The following TTC13 variants were observed in gnomAD, a reference collection of about 807,000 sequenced individuals.
TTC13 encodes tetratricopeptide repeat protein 13.
Under a neutral mutation model 120.0 loss-of-function variants are expected in TTC13, and 62 were observed. The ratio of observed to expected loss-of-function variants is 0.52; its 90% CI spans 0.42 to 0.64. The LOEUF (loss-of-function observed/expected upper bound fraction) is 0.64. Among genes scored for constraint, TTC13 ranks in the 30% least tolerant of loss-of-function variants. The pLI is 0.00. For missense variants in TTC13, 824 were observed against 1,050.2 expected (o/e 0.78, Z 2.98); for synonymous variants, 384 against 393.5 (o/e 0.98, Z 0.28).
chr1:230,934,816 T>G (rs1437466524), intron 8 of TTC13, among the ~76,000 whole-genome samples: 2 of 152,258 alleles, frequency 1.3e-5, no homozygotes, highest in Non-Finnish European at 2.9e-5. Flanking sequence ...CCTGATTAGA[T>G]AATTCATAGA....
chr1:230,953,108 A>G (rs536317787), intron 4 of TTC13, among the ~76,000 whole-genome samples: 2 of 152,316 alleles, frequency 1.3e-5, no homozygotes, highest in South Asian at 2.1e-4. Flanking sequence ...CTTACCTTTT[A>G]TAACATTGCC....
chr1:230,930,247 C>T (rs1451399885), intron 11 of TTC13, among the ~76,000 whole-genome samples: 1 of 152,066 alleles, frequency 6.6e-6, no homozygotes, highest in Non-Finnish European at 1.5e-5. Flanking sequence ...TGAATAGCAG[C>T]TTCATATTAA....
rs949200644 is a variant in TTC13 at position 230,936,277 on chromosome 1, G to T, written c.901-2416C>A. On this transcript the variant is annotated intron_variant, in intron 8 of 22. Transcript: ENST00000366661. The stretch of plus-strand genomic sequence containing the variant: ...TCTCTACCTCATTCTGCCAAAGAGG[G>T]GACATAGTAGAATCAAGATTTTAAG... 34 of 454,612 alleles carry T rather than the reference G, an allele frequency of 7.5e-5. No homozygotes were observed. In the Admixed American group the frequency reaches 8.1e-4, roughly 11 times the overall value. The allele number at this position is 454,612 out of a possible 1,614,324, so 28.2% of individuals were successfully genotyped here. A position where few individuals can be genotyped will look rare whatever the true frequency, so the allele number is the denominator to read the frequency against.
chr1:230,921,307 T>A (rs561301350), intron 16 of TTC13, 114 bp downstream of exon 16: 35 of 608,614 alleles, frequency 5.8e-5, no homozygotes, highest in Admixed American at 1.7e-4. Context: ...TGTAAAAATT[T>A]GATAGACCTT....
rs1431598871 is a variant in TTC13, at chr1:230,942,059, A to T, written c.673-1503T>A. On this transcript the variant is annotated intron_variant, in intron 6 of 22. Coordinates refer to ENST00000366661, the MANE Select transcript of TTC13 (RefSeq NM_024525.5). The surrounding 1 kb of genome is among the most constrained non-coding windows in gnomAD (Gnocchi z 4.0). ...GCCCAAACAATGCCAGAAAAACAGA[A>T]TATTATTATACATTTTTAAGACAAT... 6.6e-6 allele frequency among the ~76,000 whole-genome samples: 1 copy of T among 152,204 alleles called. No individual in the cohort carries two copies. Among genetic ancestry groups the T allele is most frequent in the African/African-American group, 2.4e-5 (1 of 41,438 alleles).
At chr1:230,926,412 T>C (rs1673056538) in intron 12 of TTC13, among the ~76,000 whole-genome samples, 1 of 152,116 alleles carries the variant, frequency 6.6e-6, no homozygotes, top group Non-Finnish European at 1.5e-5. Flanking sequence ...GGAAAGCTCA[T>C]TAAAGACTCA....
chr1:230,948,560 C>G (rs1223570119), intron 4 of TTC13, among the ~76,000 whole-genome samples: 2 of 151,702 alleles, frequency 1.3e-5, no homozygotes, highest in East Asian at 1.9e-4. Context: ...TGGTGCAAGC[C>G]TAGCTCACTA....
chr1:230,911,679 A>C (rs1390488098), intron 19 of TTC13, 130 bp from the exon 20 acceptor site: 1 of 558,828 alleles, frequency 1.8e-6, no homozygotes, highest in Non-Finnish European at 3.0e-6. Flanking sequence ...ATAAGAATCT[A>C]CTTTTCAAAT....
intron 1 of TTC13, among the ~76,000 whole-genome samples, chr1:230,962,705 T>C: frequency 6.6e-6 from 1 of 152,230 alleles, no homozygotes; most frequent in East Asian, 1.9e-4. Flanking sequence ...CATCAACAGA[T>C]GAATGAATAA....
At chr1:230,914,601 G>T (rs1671838480) in intron 18 of TTC13, among the ~76,000 whole-genome samples, 1 of 151,984 alleles carries the variant, frequency 6.6e-6, no homozygotes, top group Admixed American at 6.6e-5. Context: ...CACCATATTG[G>T]TCAGGCTGGT....
At chr1:230,941,082 A>C (rs1230725291) in intron 6 of TTC13, among the ~76,000 whole-genome samples, 2 of 152,186 alleles carry the variant, frequency 1.3e-5, no homozygotes, top group East Asian at 3.9e-4. Flanking sequence ...ATGAGTCATG[A>C]TCTGCAGAGT....
chr1:230,952,666 A>T (rs1172748750), intron 4 of TTC13, among the ~76,000 whole-genome samples: 2 of 152,256 alleles, frequency 1.3e-5, no homozygotes, highest in African/African-American at 4.8e-5. Flanking sequence ...AATGTCTTAC[A>T]ACTATAAATG....
At position 230,927,062 on chromosome 1, in the gene TTC13, T is replaced by G. The variant is rs575201914; in HGVS notation, c.1458-1415A>C. Among the ~76,000 whole-genome samples the G allele has an allele frequency of 1.7e-4, 26 of 152,374 alleles. No homozygotes were observed. The South Asian group carries it at 5.2e-3, about 30-fold the overall frequency. On this transcript the variant is annotated intron_variant, in intron 12 of 22. Transcript: ENST00000366661. ...ACATTTTACAATTAATCCACATTGT[T>G]GCCTCGGTCATTTGTTTATACTGCT...
intron 19 of TTC13, among the ~76,000 whole-genome samples, chr1:230,912,021 G>A (rs1671559934): frequency 6.6e-6 from 1 of 152,112 alleles, no homozygotes; most frequent in South Asian, 2.1e-4. Flanking sequence ...ATTAAATGTT[G>A]GAGAAATAAG....
rs1674437220 is a variant in TTC13 at position 230,940,512 on chromosome 1, G to A, written c.717C>T (p.Leu239=). Residue 239 remains leucine, a synonymous_variant, in exon 7 of 23, where the codon CTC becomes CTT. Transcript: ENST00000366661. The surrounding 1 kb of genome is among the most constrained non-coding windows in gnomAD (Gnocchi z 4.1). Reference sequence around the variant, plus strand: ...AGGGCTGCAGTTGGATAGCTTTAGTGAGGTCATTCACTGCTTCATTAATTC... The same window carrying A: ...AGGGCTGCAGTTGGATAGCTTTAGTAAGGTCATTCACTGCTTCATTAATTC... ...LGRINEAVND[L]TKAIQLQPSA... is the part of the protein sequence containing the mutation. 1 of 1,613,784 alleles carries A rather than the reference G, an allele frequency of 6.2e-7. No individual in the cohort carries two copies. The highest frequency in any genetic ancestry group is 1.1e-5 in the South Asian group (1 of 91,066).
intron 4 of TTC13, among the ~76,000 whole-genome samples, chr1:230,951,761 G>C (rs1558206881): frequency 1.7e-5 from 2 of 114,340 alleles, no homozygotes; most frequent in Admixed American, 1.0e-4. Context: ...AAACAAAAAA[G>C]AAAAGAGTAA....
intron 17 of TTC13, among the ~76,000 whole-genome samples, chr1:230,920,076 A>C (rs763587335): frequency 1.3e-5 from 2 of 152,198 alleles, no homozygotes; most frequent in Non-Finnish European, 2.9e-5. Context: ...GCTTAGCAAG[A>C]CCACTGTACT....
chr1:230,956,538 A>G (rs746074378), intron 3 of TTC13: 17 of 391,150 alleles, frequency 4.3e-5, no homozygotes, highest in South Asian at 3.2e-4. Flanking sequence ...TTTCCTATTT[A>G]TTATCCCATA....
chr1:230,924,020 A>C, intron 14 of TTC13, 87 bp from the exon 15 acceptor site: 2 of 953,554 alleles, frequency 2.1e-6, no homozygotes, highest in Non-Finnish European at 3.2e-6. Context: ...GGTGGGGATA[A>C]AGCAACAGCT....
Sources: gnomAD v4.1 joint callset for allele counts (sites outside exome capture counted in the v4.1 genomes callset) on GRCh38, gnomAD v4.1.1 for gene constraint, Gnocchi (gnomAD v3.1) non-coding constraint, MANE v1.5 for transcripts, NCBI Gene and HGNC (gene_info 2026-07-23, HGNC 2026-07-21) for gene names.